The following EPB41L1 variants were observed in gnomAD, a reference collection of about 807,000 sequenced individuals.
EPB41L1 encodes erythrocyte membrane protein band 4.1 like 1, also known as band 4.1-like protein 1.
A neutral mutation model predicts 97.8 loss-of-function variants in EPB41L1; 29 were observed. The observed-to-expected ratio is 0.30, with a 90% CI of 0.22 to 0.40. The LOEUF is 0.40. Among genes scored for constraint, EPB41L1 ranks in the 10% least tolerant of loss-of-function variants. EPB41L1 has a pLI of 1.00. For synonymous variants in EPB41L1, 383 were observed against 459.2 expected (o/e 0.83, Z 2.12); for missense variants, 812 against 1,162.3 (o/e 0.70, Z 4.38).
Position 36,232,316 on chromosome 20 carries a change from A to C in EPB41L1, c.*2976A>C, listed in dbSNP as rs2064524845. 3.2e-6 allele frequency: 1 copy of C among 310,858 alleles called. No homozygotes were observed. The highest frequency in any genetic ancestry group is 5.8e-6 in the Non-Finnish European group (1 of 171,416). 19.3% of individuals were successfully genotyped at this position (310,858 alleles called of 1,614,324 possible). A position where few individuals can be genotyped will look rare whatever the true frequency, so the allele number is the denominator to read the frequency against. Reference sequence around the variant, plus strand: ...GTGGAAAAAGTCCCTGAGGGCGGTTAGGAGTTCTGGGTGACCATCCTGGCT... The same window carrying C: ...GTGGAAAAAGTCCCTGAGGGCGGTTCGGAGTTCTGGGTGACCATCCTGGCT... On this transcript the variant is annotated 3_prime_UTR_variant, in exon 22 of 22. Transcript: ENST00000338074.
At chr20:36,105,586 A>G (rs942765977) in intron 1 of EPB41L1, among the ~76,000 whole-genome samples, 1 of 152,110 alleles carries the variant, frequency 6.6e-6, no homozygotes, top group Non-Finnish European at 1.5e-5. Context: ...AACTTATGCC[A>G]TCGCTTCTTG....
chr20:36,097,025 G>C (rs1238132513), intron 1 of EPB41L1, among the ~76,000 whole-genome samples: 2 of 152,242 alleles, frequency 1.3e-5, no homozygotes, highest in Non-Finnish European at 2.9e-5. Flanking sequence ...GCCCATGCTG[G>C]GCTCTGCTCT....
chr20:36,109,013 G>C (rs1392760898), intron 1 of EPB41L1, among the ~76,000 whole-genome samples: 1 of 150,824 alleles, frequency 6.6e-6, no homozygotes, highest in Non-Finnish European at 1.5e-5. Context: ...GTGCGATCTT[G>C]GCTCACTGCA....
chr20:36,219,121 C>T (rs1453440196), intron 18 of EPB41L1, among the ~76,000 whole-genome samples, 159 bp downstream of exon 18: 1 of 152,236 alleles, frequency 6.6e-6, no homozygotes, highest in Admixed American at 6.5e-5. Context: ...CACAGGGCTC[C>T]CTGGTGCCTG....
chr20:36,111,110 C>T (rs1044331095), intron 1 of EPB41L1, among the ~76,000 whole-genome samples: 1 of 152,166 alleles, frequency 6.6e-6, no homozygotes, highest in Non-Finnish European at 1.5e-5. Context: ...TTTAGTCCCC[C>T]CATTAGCCCT....
intron 2 of EPB41L1, among the ~76,000 whole-genome samples, chr20:36,118,101 C>T (rs888917332): frequency 2.0e-5 from 3 of 152,196 alleles, no homozygotes; most frequent in Non-Finnish European, 4.4e-5. Context: ...TCAGCACAAT[C>T]GCTGCATTCA....
chr20:36,203,347 G>A (rs1412247534), intron 14 of EPB41L1, among the ~76,000 whole-genome samples: 1 of 152,262 alleles, frequency 6.6e-6, no homozygotes, highest in Non-Finnish European at 1.5e-5. Context: ...TGCTTCACAA[G>A]TTGCCATTTG....
intron 1 of EPB41L1, among the ~76,000 whole-genome samples, chr20:36,167,372 A>G (rs1481973466): frequency 6.6e-6 from 1 of 152,100 alleles, no homozygotes; most frequent in African/African-American, 2.4e-5. Context: ...TTTGATAAAG[A>G]GTTTGTGTTT....
chr20:36,208,754 G>A (rs1324171695), intron 14 of EPB41L1, among the ~76,000 whole-genome samples: 1 of 152,108 alleles, frequency 6.6e-6, no homozygotes, highest in Non-Finnish European at 1.5e-5. Context: ...TATGTATGTC[G>A]GACAAGAGTT....
In EPB41L1 at chr20:36,190,359, A is replaced by G; in HGVS notation, c.1109A>G (p.His370Arg). The G allele has an allele frequency of 6.2e-7, 1 of 1,614,178 alleles. No individual in the cohort carries two copies. The highest frequency in any genetic ancestry group is 8.5e-7 in the Non-Finnish European group (1 of 1,180,028). ...AKRLWKVCIEHHTFFRLVSPE... is the reference protein window; with the variant it reads ...AKRLWKVCIERHTFFRLVSPE... Reference sequence around the variant, plus strand: ...AGACTGTGGAAGGTCTGCATCGAGCATCATACATTCTTCCGGTGAGCCTGA... The same window carrying G: ...AGACTGTGGAAGGTCTGCATCGAGCGTCATACATTCTTCCGGTGAGCCTGA... The change falls in exon 10 of 22, where the codon CAT becomes CGT. Residue 370 changes from histidine to arginine, a missense_variant. Physicochemically the swap from His to Arg is conservative, Grantham distance 29. This residue lies in a region of EPB41L1 where 230 missense variants were observed against 445.2 expected (regional missense o/e 0.52). Coordinates refer to ENST00000338074, the MANE Select transcript of EPB41L1 (RefSeq NM_012156.2). This position sits in a 1 kb window ranked among gnomAD's most constrained non-coding sequence, Gnocchi z 5.8.
intron 2 of EPB41L1, among the ~76,000 whole-genome samples, chr20:36,124,914 T>C (rs2058899851): frequency 1.3e-5 from 2 of 152,100 alleles, no homozygotes; most frequent in Admixed American, 6.5e-5. Context: ...CACTGATAGA[T>C]TGCATACATG....
chr20:36,102,667 A>G (rs2058057315), intron 1 of EPB41L1, among the ~76,000 whole-genome samples: 1 of 152,144 alleles, frequency 6.6e-6, no homozygotes, highest in Admixed American at 6.5e-5. Context: ...GGCTTCACCC[A>G]CCACTGGGGG....
rs1222053116 is a variant in EPB41L1, at chr20:36,190,300, T to C, written c.1050T>C (p.Ile350=). ...AGTATGAGCAATTTGAGAGCACAAT[T>C]GGCTTTAAGCTCCCAAACCACCGGT... The part of the protein sequence containing the change: ...PGEYEQFEST[I]GFKLPNHRSA... Residue 350 remains isoleucine (I), a synonymous_variant, in exon 10 of 22, where the codon ATT becomes ATC. Transcript: ENST00000338074. This position sits in a 1 kb window ranked among gnomAD's most constrained non-coding sequence, Gnocchi z 5.8. The C allele has an allele frequency of 4.3e-6, 7 of 1,614,198 alleles. No individual in the cohort carries two copies. The East Asian group carries it at 1.6e-4, about 36-fold the overall frequency.
chr20:36,187,138 A>G (rs1318093066), intron 7 of EPB41L1, among the ~76,000 whole-genome samples: 1 of 152,248 alleles, frequency 6.6e-6, no homozygotes, highest in Non-Finnish European at 1.5e-5. Flanking sequence ...GCTGTGACTA[A>G]GTATAAAATG....
At chr20:36,201,470 G>T (rs1303778502) in intron 14 of EPB41L1, among the ~76,000 whole-genome samples, 1 of 152,182 alleles carries the variant, frequency 6.6e-6, no homozygotes, top group Non-Finnish European at 1.5e-5. Flanking sequence ...CTGCCTTAAG[G>T]TCTTTTCTCT....
chr20:36,143,148 TG>T (rs1358722279), intron 2 of EPB41L1, among the ~76,000 whole-genome samples: 6 of 133,628 alleles, frequency 4.5e-5, no homozygotes, highest in African/African-American at 2.1e-4. Context: ...TGTGTGTGTG[TG>T]TGTGTGTGTG....
chr20:36,134,418 C>A (rs1021743971), intron 2 of EPB41L1, among the ~76,000 whole-genome samples: 3 of 152,144 alleles, frequency 2.0e-5, no homozygotes, highest in Non-Finnish European at 4.4e-5. Context: ...TCGATGGTAT[C>A]CAAAGGCCTT....
chr20:36,222,297 A>G lies in EPB41L1; in HGVS notation c.2540A>G (p.Lys847Arg), dbSNP rs932210362. ...CACCAGGCCCTGGCTTTGGCCATCA[A>G]GGAGGCCAAACTGCAGCATCCTGAT... ...DQDQALALAIKEAKLQHPDML... is the reference protein window; with the variant it reads ...DQDQALALAIREAKLQHPDML... The change falls in exon 21 of 22, where the codon AAG (lysine) becomes AGG (arginine). Residue 847 changes from lysine (K) to arginine (R), a missense_variant. Lys to Arg is a conservative substitution (Grantham distance 26). Around this residue, in one of 3 missense-constraint regions of EPB41L1, gnomAD observed 498 missense variants for 622.7 expected, o/e 0.80. Transcript: ENST00000338074. The G allele has an allele frequency of 4.3e-6, 7 of 1,613,948 alleles. No individual in the cohort carries two copies. The highest frequency in any genetic ancestry group is 5.1e-6 in the Non-Finnish European group (6 of 1,179,816).
At chr20:36,198,904 G>A (rs949765675) in intron 14 of EPB41L1, among the ~76,000 whole-genome samples, 1 of 152,132 alleles carries the variant, frequency 6.6e-6, no homozygotes, top group Admixed American at 6.5e-5. Context: ...GGCTCGTTGG[G>A]TAGAGATAAT....
Sources: allele counts gnomAD v4.1 joint callset (sites outside exome capture counted in the v4.1 genomes callset), GRCh38; gene constraint gnomAD v4.1.1; regional missense constraint gnomAD v4.1.1; non-coding constraint Gnocchi (gnomAD v3.1); transcripts MANE v1.5; gene names NCBI Gene and HGNC (gene_info 2026-07-23, HGNC 2026-07-21).